SYNPR: variants seen among roughly 807,000 people sequenced by gnomAD.
SYNPR encodes synaptoporin.
SYNPR carries 23 observed loss-of-function variants against 32.9 expected under a neutral mutation model. The observed-to-expected ratio is 0.70, with a 90% CI of 0.50 to 0.99. SYNPR has a LOEUF of 0.99. Ranked by LOEUF, SYNPR falls within the 50% of genes least tolerant of loss-of-function variation. The pLI is 0.00. For missense variants in SYNPR, 318 were observed against 349.3 expected, an observed-to-expected ratio of 0.91 and a Z score of 0.71; for synonymous variants, 146 against 135.9, an observed-to-expected ratio of 1.07 and a Z score of -0.52.
chr3:63,247,814 G>C (rs1188491340), intron 1 of SYNPR, among the ~76,000 whole-genome samples: 1 of 152,100 alleles, frequency 6.6e-6, no homozygotes, highest in African/African-American at 2.4e-5. Context: ...CAGAACACTG[G>C]GAAGTGCAGT....
chr3:63,286,717 G>A (rs78574431), intron 2 of SYNPR, among the ~76,000 whole-genome samples: 2 of 152,150 alleles, frequency 1.3e-5, no homozygotes, highest in African/African-American at 4.8e-5. Context: ...TGTTGTATTT[G>A]TTATTATTCC....
In SYNPR at chr3:63,323,910, G is replaced by A. The variant is rs2087137523; in HGVS notation, c.84+45168G>A. Among the ~76,000 whole-genome samples the A allele has an allele frequency of 7.9e-5, 12 of 152,158 alleles. No individual in the cohort carries two copies. In the South Asian group the frequency reaches 2.5e-3, roughly 32 times the overall value. ...ATTATTATTTCCATTTTACTGAGAA[G>A]GACAGTGAAGCCCAGCATGATGAAT... is the stretch of plus-strand genomic sequence containing the variant. On this transcript the variant is annotated intron_variant, in intron 2 of 5. Transcript: ENST00000478300.
At chr3:63,443,822 T>C (rs1364408701) in intron 2 of SYNPR, among the ~76,000 whole-genome samples, 2 of 152,332 alleles carry the variant, frequency 1.3e-5, no homozygotes, top group African/African-American at 4.8e-5. Flanking sequence ...ATACATTCAT[T>C]GTGCTGCAAC....
the SYNPR span, among the ~76,000 whole-genome samples, chr3:63,221,039 T>C: frequency 6.6e-6 from 1 of 152,160 alleles, no homozygotes; most frequent in South Asian, 2.1e-4. Flanking sequence ...ATTTGATTGA[T>C]AGGAGCATGG....
At chr3:63,513,325 A>G (rs1305833840) in intron 3 of SYNPR, among the ~76,000 whole-genome samples, 1 of 151,988 alleles carries the variant, frequency 6.6e-6, no homozygotes, top group Non-Finnish European at 1.5e-5. Context: ...AGGATTACAG[A>G]CATGTGCCAT....
intron 3 of SYNPR, among the ~76,000 whole-genome samples, chr3:63,272,020 A>G (rs971409873): frequency 6.6e-6 from 1 of 152,148 alleles, no homozygotes; most frequent in African/African-American, 2.4e-5. Context: ...GAAAGAAGGA[A>G]AGAAAAGACA....
intron 1 of SYNPR, among the ~76,000 whole-genome samples, chr3:63,233,360 T>C (rs1164422356): frequency 1.3e-5 from 2 of 152,130 alleles, no homozygotes; most frequent in African/African-American, 4.8e-5. Context: ...AGGTGGACAG[T>C]AAATTTTCTA....
chr3:63,390,256 T>C (rs2088114073), intron 2 of SYNPR, among the ~76,000 whole-genome samples: 1 of 152,090 alleles, frequency 6.6e-6, no homozygotes, highest in Non-Finnish European at 1.5e-5. Flanking sequence ...TTCTTCAGGG[T>C]ACATTTAGCA....
At chr3:63,280,959 G>A (rs144018360) in intron 2 of SYNPR, among the ~76,000 whole-genome samples, 13 of 152,326 alleles carry the variant, frequency 8.5e-5, no homozygotes, top group African/African-American at 2.9e-4. Context: ...AGTTAGATAA[G>A]TTAGTTGGTT....
At chr3:63,448,117 C>T (rs1700313236) in intron 2 of SYNPR, among the ~76,000 whole-genome samples, 1 of 152,162 alleles carries the variant, frequency 6.6e-6, no homozygotes, top group Non-Finnish European at 1.5e-5. Context: ...GATTGTCCTG[C>T]CTCAGCCTCC....
intron 2 of SYNPR, among the ~76,000 whole-genome samples, chr3:63,316,117 G>T (rs1036640934): frequency 2.0e-5 from 3 of 151,992 alleles, no homozygotes; most frequent in Non-Finnish European, 4.4e-5. Flanking sequence ...TTATCTTTTT[G>T]ATAGGTTGTT....
At chr3:63,491,100 C>A (rs888229865) in intron 3 of SYNPR, among the ~76,000 whole-genome samples, 1 of 150,806 alleles carries the variant, frequency 6.6e-6, no homozygotes, top group South Asian at 2.1e-4. Context: ...AGACAACCAG[C>A]GGATTTGACT....
At chr3:63,529,977 A>G (rs1323874327) in intron 3 of SYNPR, among the ~76,000 whole-genome samples, 2 of 152,108 alleles carry the variant, frequency 1.3e-5, no homozygotes, top group Non-Finnish European at 2.9e-5. Flanking sequence ...GGCATGGTGC[A>G]TTGCTAATAG....
intron 3 of SYNPR, among the ~76,000 whole-genome samples, chr3:63,539,120 T>G (rs1366973192): frequency 2.6e-5 from 4 of 152,100 alleles, no homozygotes; most frequent in Non-Finnish European, 4.4e-5. Flanking sequence ...CCAGGACATC[T>G]GTTGTTTCAG....
intron 4 of SYNPR, among the ~76,000 whole-genome samples, chr3:63,595,729 A>AGTTT (rs1296433085): frequency 4.1e-5 from 1 of 24,256 alleles, no homozygotes; most frequent in African/African-American, 3.5e-4. Flanking sequence ...ATATATATAT[A>AGTTT]TATATATATA....
At chr3:63,584,028 G>T (rs1391813817) in intron 4 of SYNPR, among the ~76,000 whole-genome samples, 4 of 152,080 alleles carry the variant, frequency 2.6e-5, no homozygotes, top group Admixed American at 6.6e-5. Context: ...AAAAATACTG[G>T]CCTTTTGGAG....
chr3:63,491,257 G>T (rs1467021441), intron 3 of SYNPR, among the ~76,000 whole-genome samples: 1 of 152,146 alleles, frequency 6.6e-6, no homozygotes, highest in East Asian at 1.9e-4. Context: ...ATCGGTAGGG[G>T]TCCATTCAGG....
At chr3:63,595,745 A>ATAATTT (rs1553650659) in intron 4 of SYNPR, among the ~76,000 whole-genome samples, 1 of 41,928 alleles carries the variant, frequency 2.4e-5, no homozygotes, top group African/African-American at 1.9e-4. Flanking sequence ...ATATATATAT[A>ATAATTT]TATATATATA....
At chr3:63,277,049 T>A (rs1271587022), upstream of SYNPR, among the ~76,000 whole-genome samples, 1 of 152,136 alleles carries the variant, frequency 6.6e-6, no homozygotes, top group Admixed American at 6.5e-5. Context: ...AGAGGACATA[T>A]CACTACTTGA....
Sources: gnomAD v4.1 joint callset for allele counts (sites outside exome capture counted in the v4.1 genomes callset) on GRCh38, gnomAD v4.1.1 for gene constraint, MANE v1.5 for transcripts, NCBI Gene and HGNC (gene_info 2026-07-23, HGNC 2026-07-21) for gene names.